SLC27A1: variants seen among roughly 807,000 people sequenced by gnomAD.
SLC27A1 encodes long-chain fatty acid transport protein 1.
A neutral mutation model predicts 62.2 loss-of-function variants in SLC27A1; 61 were observed. The observed-to-expected ratio is 0.98, with a 90% CI of 0.80 to 1.21. The LOEUF is 1.21. Ranked by LOEUF, SLC27A1 falls within the 50% of genes most tolerant of loss-of-function variation. The pLI is 0.00. For missense variants in SLC27A1, 903 were observed against 932.1 expected (o/e 0.97, Z 0.41); for synonymous variants, 435 against 408.6 (o/e 1.06, Z -0.78).
chr19:17,486,634 G>T lies in SLC27A1; in HGVS notation c.239G>T (p.Arg80Leu). 6.2e-7 allele frequency: 1 copy of T among 1,602,234 alleles called. No homozygotes were observed. The highest frequency in any genetic ancestry group is 8.5e-7 in the Non-Finnish European group (1 of 1,178,540). ...RHQRAGHTIP[R>L]IFQAVVQRQP... ...CAGCGTGCCGGCCACACCATCCCGC[G>T]CATCTTTCAGGCGGTAGTGCAGCGA... The change falls in exon 2 of 12, where the codon CGC becomes CTC. Residue 80 changes from arginine to leucine, a missense_variant. By Grantham distance (102) the Arg-to-Leu change is moderately radical. Coordinates refer to ENST00000252595, the MANE Select transcript of SLC27A1 (RefSeq NM_198580.3). This position sits in a 1 kb window ranked among gnomAD's most constrained non-coding sequence, Gnocchi z 6.6.
chr19:17,489,167 TCACCCCCTCCCAATCAGGCCC>T (rs1345944056), intron 6 of SLC27A1, 50 bp downstream of exon 6: 4 of 1,489,212 alleles, frequency 2.7e-6, no homozygotes, highest in Non-Finnish European at 3.7e-6. Flanking sequence ...CAGCCAGGCC[TCACCCCCTCCCAATCAGGCCC>T]CACCTCCTCC....
intron 4 of SLC27A1, among the ~76,000 whole-genome samples, chr19:17,488,251 C>G (rs926241627): frequency 2.0e-5 from 3 of 152,146 alleles, no homozygotes; most frequent in Non-Finnish European, 4.4e-5. Context: ...CCCAGCTACT[C>G]GGGAGGCTGA....
rs2075410609 is a variant in SLC27A1 at position 17,501,348 on chromosome 19, A to G, written c.1712A>G (p.Glu571Gly). Reference sequence around the variant, plus strand: ...CTGGACCCCAACGCGATATACCAGGAGCTGCAGAAGGTGCTGGCACCCTAT... The same window carrying G: ...CTGGACCCCAACGCGATATACCAGGGGCTGCAGAAGGTGCTGGCACCCTAT... ...SLLDPNAIYQ[E>G]LQKVLAPYAR... The change falls in exon 11 of 12, where the codon GAG becomes GGG. Residue 571 changes from glutamate (E) to glycine (G), a missense_variant. Physicochemically the swap from Glu to Gly is moderately conservative, Grantham distance 98 (BLOSUM62 -2). Transcript: ENST00000252595. The G allele has an allele frequency of 1.2e-6, 2 of 1,614,032 alleles. No individual in the cohort carries two copies. Among genetic ancestry groups the G allele is most frequent in the Non-Finnish European group, 1.7e-6 (2 of 1,179,984 alleles).
intron 1 of SLC27A1, among the ~76,000 whole-genome samples, chr19:17,473,208 C>G (rs1040257918): frequency 3.9e-5 from 6 of 152,156 alleles, no homozygotes; most frequent in African/African-American, 9.7e-5. Flanking sequence ...GCTGGGATTA[C>G]CGCGCCCAGC....
In SLC27A1 at chr19:17,506,001, G is replaced by T; in HGVS notation, c.*1389G>T. 6.6e-6 allele frequency: 1 copy of T among 152,378 alleles called. No individual in the cohort carries two copies. The highest frequency in any genetic ancestry group is 1.5e-5 in the Non-Finnish European group (1 of 68,102). 9.4% of individuals were successfully genotyped at this position (152,378 alleles called of 1,614,324 possible). Reference sequence around the variant, plus strand: ...TCGAACATCCACGCCAGCCTTTCTGGGGCCGGCCACCCAGGCCGCCTGTCC... The same window carrying T: ...TCGAACATCCACGCCAGCCTTTCTGTGGCCGGCCACCCAGGCCGCCTGTCC... On this transcript the variant is annotated 3_prime_UTR_variant, in exon 12 of 12. Coordinates refer to ENST00000252595, the MANE Select transcript of SLC27A1 (RefSeq NM_198580.3).
intron 6 of SLC27A1, among the ~76,000 whole-genome samples, chr19:17,492,025 C>T (rs2075299190): frequency 1.3e-5 from 2 of 152,116 alleles, no homozygotes; most frequent in African/African-American, 4.8e-5. Flanking sequence ...ACATTTGGGG[C>T]TGGATCATTC....
At chr19:17,469,864 G>T (rs1020996870), upstream of SLC27A1, among the ~76,000 whole-genome samples, 10 of 149,028 alleles carry the variant, frequency 6.7e-5, no homozygotes, top group African/African-American at 2.5e-4. Flanking sequence ...GGATTGGGGA[G>T]GGCTCTAGTT....
intron 1 of SLC27A1, among the ~76,000 whole-genome samples, chr19:17,471,851 C>T (rs1343086974): frequency 6.6e-6 from 1 of 152,184 alleles, no homozygotes; most frequent in Non-Finnish European, 1.5e-5. Flanking sequence ...CTTCCATGGC[C>T]AGCCCATCCT....
upstream of SLC27A1, among the ~76,000 whole-genome samples, chr19:17,469,729 AG>A (rs1290357394): frequency 2.0e-5 from 3 of 148,400 alleles, no homozygotes; most frequent in African/African-American, 7.5e-5. Context: ...CCTAGGTCCT[AG>A]GGGGGCCGGA....
intron 1 of SLC27A1, 30 bp downstream of exon 1, chr19:17,470,737 G>T: frequency 1.3e-6 from 2 of 1,551,606 alleles, no homozygotes; most frequent in Admixed American, 1.8e-5. Flanking sequence ...GTCCAGGGCT[G>T]GGGGCGGGGC....
At chr19:17,491,450 C>G (rs1599660186) in intron 6 of SLC27A1, among the ~76,000 whole-genome samples, 1 of 152,226 alleles carries the variant, frequency 6.6e-6, no homozygotes, top group East Asian at 1.9e-4. Flanking sequence ...TTTTAAGTGA[C>G]AGTGATATCT....
chr19:17,493,254 T>C (rs2075313291), intron 6 of SLC27A1, among the ~76,000 whole-genome samples: 1 of 148,138 alleles, frequency 6.8e-6, no homozygotes, highest in Admixed American at 6.8e-5. Flanking sequence ...GCCAACATGG[T>C]GAAACCCCAT....
At chr19:17,488,432 T>G (rs1461116096) in intron 4 of SLC27A1, among the ~76,000 whole-genome samples, 1 of 151,950 alleles carries the variant, frequency 6.6e-6, no homozygotes, top group Non-Finnish European at 1.5e-5. Context: ...GATGTCATTT[T>G]CCTCCCCTTC....
At chr19:17,487,094 G>A (rs770078504) in intron 2 of SLC27A1, 80 bp from the exon 3 acceptor site, 12 of 1,598,830 alleles carry the variant, frequency 7.5e-6, no homozygotes, top group East Asian at 2.2e-5. Context: ...GGTATGCCCC[G>A]GGCAGGGAGT....
chr19:17,491,113 A>G (rs1246805161), intron 6 of SLC27A1: 2 of 151,984 alleles, frequency 1.3e-5, no homozygotes, highest in Non-Finnish European at 2.9e-5. Context: ...AGGCAGGAGA[A>G]TCGCTTGAAC....
rs1288635736 is a variant in SLC27A1, at chr19:17,488,917, C to T, written c.864C>T (p.Cys288=). The change falls in exon 5 of 12, where the codon TGC becomes TGT. Residue 288 remains cysteine, a synonymous_variant. Transcript: ENST00000252595. Reference sequence around the variant, plus strand: ...AGGCGGCTGACGTGCTCTATGACTGCCTGCCCCTGTACCACTCGGCAGGTA... The same window carrying T: ...AGGCGGCTGACGTGCTCTATGACTGTCTGCCCCTGTACCACTCGGCAGGTA... ...RMQAADVLYD[C]LPLYHSAGNI... is the part of the protein sequence containing the mutation. The T allele has an allele frequency of 6.2e-7, 1 of 1,614,148 alleles. No individual in the cohort carries two copies. Among genetic ancestry groups the T allele is most frequent in the Admixed American group, 1.7e-5 (1 of 60,014 alleles).
At chr19:17,483,774 C>T (rs571109622) in intron 1 of SLC27A1, 1 of 152,874 alleles carries the variant, frequency 6.5e-6, no homozygotes, top group East Asian at 1.9e-4. Context: ...CACTGACCTC[C>T]ACGCTGGTCC....
chr19:17,493,445 A>AC (rs1185985885), intron 6 of SLC27A1, among the ~76,000 whole-genome samples: 3 of 151,464 alleles, frequency 2.0e-5, no homozygotes, highest in Non-Finnish European at 4.4e-5. Context: ...AAAAAAAAAA[A>AC]AAAACAGGAC....
intron 6 of SLC27A1, among the ~76,000 whole-genome samples, chr19:17,494,313 G>A (rs1360951427): frequency 2.7e-5 from 4 of 149,960 alleles, no homozygotes; most frequent in Non-Finnish European, 4.4e-5. Context: ...GTGAGCCACC[G>A]TGCCTGGCCT....
Sources: gnomAD v4.1 joint callset for allele counts (sites outside exome capture counted in the v4.1 genomes callset) on GRCh38, gnomAD v4.1.1 for gene constraint, Gnocchi (gnomAD v3.1) non-coding constraint, MANE v1.5 for transcripts, NCBI Gene and HGNC (gene_info 2026-07-23, HGNC 2026-07-21) for gene names.